NKAIN3: variants seen among roughly 807,000 people sequenced by gnomAD.
NKAIN3 encodes sodium/potassium-transporting ATPase subunit beta-1-interacting protein 3.
NKAIN3 carries 25 observed loss-of-function variants against 30.2 expected under a neutral mutation model. The observed-to-expected ratio is 0.83, with a 90% CI of 0.60 to 1.16. The LOEUF (loss-of-function observed/expected upper bound fraction) is 1.16, where lower values mean the gene tolerates loss of function less well. Ranked by LOEUF, NKAIN3 falls within the 50% of genes most tolerant of loss-of-function variation. The pLI is 0.00. For synonymous variants in NKAIN3, 91 were observed against 89.6 expected, an observed-to-expected ratio of 1.02 and a Z score of -0.09; for missense variants, 225 against 254.1, an observed-to-expected ratio of 0.89 and a Z score of 0.78.
intron 3 of NKAIN3, among the ~76,000 whole-genome samples, chr8:62,631,305 T>G (rs1365403032): frequency 2.0e-5 from 3 of 152,148 alleles, no homozygotes; most frequent in African/African-American, 7.2e-5. Context: ...TGTCAGAGAT[T>G]AACCTTGCAA....
chr8:62,789,905 T>C (rs928317071), intron 4 of NKAIN3, among the ~76,000 whole-genome samples: 6 of 152,148 alleles, frequency 3.9e-5, no homozygotes, highest in African/African-American at 1.4e-4. Context: ...TGGTACCATT[T>C]CTTCTGAAAC....
At chr8:62,731,669 A>G (rs1464367394) in intron 3 of NKAIN3, among the ~76,000 whole-genome samples, 1 of 152,056 alleles carries the variant, frequency 6.6e-6, no homozygotes, top group Non-Finnish European at 1.5e-5. Flanking sequence ...ATAATAGTAC[A>G]AAAAGTTAGC....
At chr8:62,958,160 A>G (rs1290784331) in intron 6 of NKAIN3, among the ~76,000 whole-genome samples, 1 of 152,096 alleles carries the variant, frequency 6.6e-6, no homozygotes, top group Non-Finnish European at 1.5e-5. Flanking sequence ...CATGTTTGCC[A>G]TAGTTCTCGT....
intron 1 of NKAIN3, among the ~76,000 whole-genome samples, chr8:62,382,680 T>G (rs572216311): frequency 1.3e-5 from 2 of 152,274 alleles, no homozygotes; most frequent in East Asian, 3.9e-4. Flanking sequence ...CACTGCTTCT[T>G]CTATGTCTTC....
At chr8:62,675,641 C>A (rs1175483354) in intron 3 of NKAIN3, among the ~76,000 whole-genome samples, 1 of 152,176 alleles carries the variant, frequency 6.6e-6, no homozygotes, top group Admixed American at 6.5e-5. Context: ...ACACCTGAAC[C>A]AGCAGCTATT....
At chr8:62,286,633 C>G (rs1813387825) in intron 1 of NKAIN3, among the ~76,000 whole-genome samples, 1 of 152,072 alleles carries the variant, frequency 6.6e-6, no homozygotes, top group Admixed American at 6.6e-5. Context: ...GATTCCTTAA[C>G]AATTGTCTGT....
intron 1 of NKAIN3, among the ~76,000 whole-genome samples, chr8:62,374,950 T>C (rs148606188): frequency 1.4e-3 from 220 of 152,348 alleles, no homozygotes; most frequent in African/African-American, 5.1e-3. Flanking sequence ...TTGCACAATT[T>C]TTGCTTCTTT....
intron 4 of NKAIN3, among the ~76,000 whole-genome samples, chr8:62,795,415 G>A (rs995183406): frequency 1.3e-5 from 2 of 152,112 alleles, no homozygotes; most frequent in African/African-American, 2.4e-5. Flanking sequence ...GGGTGCCTAT[G>A]GACCCCAGGT....
rs564470880 is a variant in NKAIN3 at position 62,549,770 on chromosome 8, A to G, written c.55-29769A>G. 4.0e-5 allele frequency among the ~76,000 whole-genome samples: 6 copies of G among 151,822 alleles called. No individual in the cohort carries two copies. In the South Asian group the frequency reaches 1.3e-3, roughly 32 times the overall value. On this transcript the variant is annotated intron_variant, in intron 1 of 6. Transcript: ENST00000623646. ...ATCTGCCTTGCTAGATAAAAGTTTT[A>G]GAATTGATTTTTATTCCAAACTTAC...
chr8:62,630,892 G>A (rs1334282316), intron 3 of NKAIN3, among the ~76,000 whole-genome samples: 1 of 151,942 alleles, frequency 6.6e-6, no homozygotes, highest in Non-Finnish European at 1.5e-5. Context: ...ATATAAACAA[G>A]CCTCAAGCTT....
At chr8:62,951,371 A>G (rs1019210379) in intron 5 of NKAIN3, among the ~76,000 whole-genome samples, 7 of 152,254 alleles carry the variant, frequency 4.6e-5, no homozygotes, top group African/African-American at 1.7e-4. Context: ...TGCTTTCAAC[A>G]GAACACCAAT....
chr8:62,574,236 G>A (rs1810037697), intron 1 of NKAIN3, among the ~76,000 whole-genome samples: 1 of 152,026 alleles, frequency 6.6e-6, no homozygotes, highest in Non-Finnish European at 1.5e-5. Context: ...TCTTTTTATG[G>A]TTAAATAGTA....
chr8:62,861,126 G>A (rs1407670619), intron 4 of NKAIN3, among the ~76,000 whole-genome samples: 1 of 152,184 alleles, frequency 6.6e-6, no homozygotes, highest in Non-Finnish European at 1.5e-5. Flanking sequence ...GTCTCCCATA[G>A]TTACTGCGGA....
At position 62,926,778 on chromosome 8, in the gene NKAIN3, C is replaced by G. The variant is rs372117457; in HGVS notation, c.532+8265C>G. 1.5e-4 allele frequency among the ~76,000 whole-genome samples: 23 copies of G among 152,332 alleles called. No individual in the cohort carries two copies. The South Asian group carries it at 2.9e-3, about 19-fold the overall frequency. ...AATGATTTCCTCAAGTTCCCAGGCT[C>G]TCTATCTGTCAGATCTGTCTGTATC... On this transcript the variant is annotated intron_variant, in intron 5 of 6. Coordinates refer to ENST00000623646, the MANE Select transcript of NKAIN3 (RefSeq NM_001304533.3).
intron 5 of NKAIN3, among the ~76,000 whole-genome samples, chr8:62,939,664 A>C (rs1822892648): frequency 2.0e-5 from 3 of 152,154 alleles, no homozygotes; most frequent in Admixed American, 2.0e-4. Flanking sequence ...AAGCTTCATA[A>C]ATGAAAAAAA....
intron 5 of NKAIN3, among the ~76,000 whole-genome samples, chr8:62,944,431 A>G (rs1312309293): frequency 6.6e-6 from 1 of 152,110 alleles, no homozygotes; most frequent in Admixed American, 6.6e-5. Context: ...TTTTTATTAA[A>G]CTGCTGAAAT....
At chr8:62,688,182 C>T (rs1176287528) in intron 3 of NKAIN3, among the ~76,000 whole-genome samples, 1 of 152,156 alleles carries the variant, frequency 6.6e-6, no homozygotes, top group African/African-American at 2.4e-5. Flanking sequence ...CATTAGACTT[C>T]TTAGAAAGTT....
rs1811981155 is a variant in NKAIN3, at chr8:62,248,915, A to G, written c.-159A>G. On this transcript the variant is annotated 5_prime_UTR_variant, in exon 1 of 7. Coordinates refer to ENST00000623646, the MANE Select transcript of NKAIN3 (RefSeq NM_001304533.3). ...GGCCCGCCCCGCCGGGAAACTAACA[A>G]AGGCGGGCGCGAGCCCCGAGCCCTG... The G allele has an allele frequency of 3.3e-6, 2 of 601,120 alleles. No homozygotes were observed. The highest frequency in any genetic ancestry group is 2.2e-5 in the South Asian group (1 of 45,126). 37.2% of individuals were successfully genotyped at this position (601,120 alleles called of 1,614,324 possible). A position where few individuals can be genotyped will look rare whatever the true frequency, so the allele number is the denominator to read the frequency against.
At chr8:62,616,686 G>A (rs1055739356) in intron 3 of NKAIN3, among the ~76,000 whole-genome samples, 4 of 151,950 alleles carry the variant, frequency 2.6e-5, no homozygotes, top group Non-Finnish European at 4.4e-5. Flanking sequence ...TGATTCATTC[G>A]GTCTCCAGTC....
Sources: gnomAD v4.1 joint callset for allele counts (sites outside exome capture counted in the v4.1 genomes callset) on GRCh38, gnomAD v4.1.1 for gene constraint, MANE v1.5 for transcripts, NCBI Gene and HGNC (gene_info 2026-07-23, HGNC 2026-07-21) for gene names.